TESK2: variants seen among roughly 807,000 people sequenced by gnomAD.
The protein encoded by TESK2 is testis associated actin remodelling kinase 2.
A neutral mutation model predicts 57.1 loss-of-function variants in TESK2; 39 were observed. The ratio of observed to expected loss-of-function variants is 0.68; its 90% CI spans 0.53 to 0.89. The LOEUF is 0.89. Ranked by LOEUF, TESK2 falls within the 40% of genes least tolerant of loss-of-function variation. The pLI, the probability that TESK2 is intolerant of heterozygous loss-of-function variation, is 0.00. For synonymous variants in TESK2, 249 were observed against 267.9 expected (o/e 0.93, Z 0.69); for missense variants, 646 against 732.1 (o/e 0.88, Z 1.36).
intron 3 of TESK2, among the ~76,000 whole-genome samples, chr1:45,387,961 C>T (rs547978787): frequency 3.3e-5 from 5 of 152,170 alleles, no homozygotes; most frequent in Admixed American, 1.3e-4. Flanking sequence ...GAGCCGAGAT[C>T]GTGCCATTGC....
chr1:45,476,049 C>T (rs764350712), intron 1 of TESK2, among the ~76,000 whole-genome samples: 33 of 152,286 alleles, frequency 2.2e-4, no homozygotes, highest in South Asian at 2.1e-4. Context: ...GACGGCCTAT[C>T]GTGGGACTTT....
Position 45,431,384 on chromosome 1 carries a change from C to T in TESK2, c.223-9538G>A, listed in dbSNP as rs59264386. Among the ~76,000 whole-genome samples, 808 of 151,932 alleles carry T rather than the reference C, an allele frequency of 5.3e-3. 10 individuals carry two copies. The highest frequency in any genetic ancestry group is 0.018 in the African/African-American group (763 of 41,440). ...AGTGAGCCAAGATTGTGCCACTGCA[C>T]TCCAGCCTGGGCAATAGAGCGAGAA... On this transcript the variant is annotated intron_variant, in intron 2 of 10. Transcript: ENST00000372086.
At chr1:45,387,641 C>T (rs1227254039) in intron 3 of TESK2, among the ~76,000 whole-genome samples, 4 of 152,162 alleles carry the variant, frequency 2.6e-5, no homozygotes, top group Non-Finnish European at 5.9e-5. Flanking sequence ...TAAGCAAATT[C>T]AGTAAATGAT....
chr1:45,347,152 C>T (rs1647155474), intron 7 of TESK2, 90 bp from the exon 8 acceptor site: 1 of 1,151,382 alleles, frequency 8.7e-7, no homozygotes, highest in Admixed American at 1.8e-5. Flanking sequence ...ACCCCACCAT[C>T]TAACAGCCCA....
At chr1:45,384,592 A>ATT (rs1450118997) in intron 4 of TESK2, among the ~76,000 whole-genome samples, 2 of 70,558 alleles carry the variant, frequency 2.8e-5, no homozygotes, top group African/African-American at 1.2e-4. Context: ...GCTAATTATT[A>ATT]ATTTTTTTTT....
intron 3 of TESK2, among the ~76,000 whole-genome samples, chr1:45,396,215 T>C (rs1435408603): frequency 6.6e-6 from 1 of 152,200 alleles, no homozygotes; most frequent in Non-Finnish European, 1.5e-5. Context: ...CACCTCAGCC[T>C]CCCAAGTAGC....
intron 4 of TESK2, among the ~76,000 whole-genome samples, chr1:45,370,169 G>A (rs1030623855): frequency 6.6e-6 from 1 of 152,296 alleles, no homozygotes; most frequent in South Asian, 2.1e-4. Flanking sequence ...AGGAGAACTA[G>A]GAGAAAAGTA....
chr1:45,354,922 G>A (rs780869346), intron 5 of TESK2, among the ~76,000 whole-genome samples: 4 of 144,082 alleles, frequency 2.8e-5, no homozygotes, highest in South Asian at 2.3e-4. Flanking sequence ...AGTGACTCAC[G>A]CCTGTAATCC....
intron 1 of TESK2, among the ~76,000 whole-genome samples, chr1:45,485,422 C>T (rs951229318): frequency 2.0e-5 from 3 of 151,868 alleles, no homozygotes; most frequent in Admixed American, 6.6e-5. Context: ...CTCCGGACCT[C>T]GTGATCCGCC....
chr1:45,424,791 T>C (rs989064292), intron 2 of TESK2, among the ~76,000 whole-genome samples: 11 of 152,240 alleles, frequency 7.2e-5, no homozygotes, highest in Non-Finnish European at 7.3e-5. Context: ...TGATACATTA[T>C]ATCAACAGAA....
chr1:45,450,219 T>A (rs999472827), intron 2 of TESK2, among the ~76,000 whole-genome samples: 17 of 152,228 alleles, frequency 1.1e-4, no homozygotes, highest in African/African-American at 2.2e-4. Flanking sequence ...TTAATTTTTT[T>A]AAAATTAATA....
At chr1:45,461,347 C>T (rs945410345) in intron 1 of TESK2, among the ~76,000 whole-genome samples, 1 of 151,962 alleles carries the variant, frequency 6.6e-6, no homozygotes. Context: ...AGCAAGACTC[C>T]GTCTCAAAAC....
In TESK2 at chr1:45,419,198, G is replaced by A. The variant is rs958888573; in HGVS notation, c.344+2527C>T. Among the ~76,000 whole-genome samples the A allele has an allele frequency of 6.6e-5, 10 of 152,028 alleles. No homozygotes were observed. In the South Asian group the frequency reaches 1.7e-3, roughly 25 times the overall value. On this transcript the variant is annotated intron_variant, in intron 3 of 10. Coordinates refer to ENST00000372086, the MANE Select transcript of TESK2 (RefSeq NM_007170.3). ...TCACCATGTTGGCCAGGATGGTCTC[G>A]AACTCTTGACCTTGTGATCTGCCTG...
At chr1:45,386,522 T>C (rs892707041) in intron 3 of TESK2, among the ~76,000 whole-genome samples, 2 of 152,088 alleles carry the variant, frequency 1.3e-5, no homozygotes, top group African/African-American at 4.8e-5. Context: ...AATCTTTTTG[T>C]TGTTTTTAAT....
At chr1:45,407,730 G>A (rs1415190762) in intron 3 of TESK2, among the ~76,000 whole-genome samples, 1 of 152,142 alleles carries the variant, frequency 6.6e-6, no homozygotes, top group Non-Finnish European at 1.5e-5. Context: ...CTTTTGCCAT[G>A]ACTGTGAGGC....
At chr1:45,413,507 C>G (rs973008849) in intron 3 of TESK2, among the ~76,000 whole-genome samples, 13 of 152,200 alleles carry the variant, frequency 8.5e-5, no homozygotes, top group Non-Finnish European at 1.8e-4. Context: ...GCAGATCATG[C>G]AGATAGGCTT....
At chr1:45,362,503 A>T (rs973836037) in intron 4 of TESK2, among the ~76,000 whole-genome samples, 8 of 152,202 alleles carry the variant, frequency 5.3e-5, no homozygotes, top group Non-Finnish European at 1.2e-4. Flanking sequence ...TGGTAGTTTT[A>T]AAAAAATTTG....
chr1:45,463,477 C>A (rs1652418076), intron 1 of TESK2, among the ~76,000 whole-genome samples: 1 of 152,156 alleles, frequency 6.6e-6, no homozygotes. Context: ...ATTGTCCTTT[C>A]CCCAGTGTAT....
At chr1:45,345,775 C>A in intron 10 of TESK2, 102 bp downstream of exon 10, 1 of 1,051,902 alleles carries the variant, frequency 9.5e-7, no homozygotes, top group Non-Finnish European at 1.4e-6. Flanking sequence ...CCATTTGTTT[C>A]TGGACCTGGG....
Sources: gnomAD v4.1 joint callset for allele counts (sites outside exome capture counted in the v4.1 genomes callset) on GRCh38, gnomAD v4.1.1 for gene constraint, MANE v1.5 for transcripts, NCBI Gene and HGNC (gene_info 2026-07-23, HGNC 2026-07-21) for gene names.